DDX11: variants seen among roughly 807,000 people sequenced by gnomAD.
DDX11 encodes DEAD/H-box helicase 11.
In DDX11, 72 loss-of-function variants were observed where a neutral mutation model predicts 125.2. That is an observed-to-expected ratio of 0.58 (90% CI 0.48 to 0.70). DDX11 has a LOEUF of 0.70. Among genes scored for constraint, DDX11 ranks in the 30% least tolerant of loss-of-function variants. The probability of loss-of-function intolerance (pLI) is 0.00; values close to 1 mark genes in which losing one functional copy is unlikely to be tolerated. For missense variants in DDX11, 883 were observed against 1,165.0 expected (o/e 0.76, Z 3.52); for synonymous variants, 347 against 452.6 (o/e 0.77, Z 2.96).
At chr12:31,103,136 C>T (rs1946690701) in intron 24 of DDX11, 116 bp downstream of exon 24, 6 of 1,386,570 alleles carry the variant, frequency 4.3e-6, no homozygotes, top group African/African-American at 1.4e-5. Context: ...TCTCCTGCCC[C>T]CTCCGGAAGC....
rs531205804 is a variant in DDX11 at position 31,077,214 on chromosome 12, AAG to A, written c.-4-1173_-4-1172del. 2.6e-3 allele frequency among the ~76,000 whole-genome samples: 403 copies of A among 152,172 alleles called. 3 individuals are homozygous for A. Among genetic ancestry groups the A allele is most frequent in the Middle Eastern group, 0.017 (5 of 294 alleles). ...GAGAGAGGTGTGGGAACCAGGATGG[AAG>A]AGTCAGGCCTCCAGATAGCGTTTAC... is the stretch of plus-strand genomic sequence containing the variant. On this transcript the variant is annotated intron_variant, in intron 1 of 26. Transcript: ENST00000542838.
Position 31,102,318 on chromosome 12 carries a change from G to A in DDX11, c.2271+7G>A. 1 of 1,613,820 alleles carries A rather than the reference G, an allele frequency of 6.2e-7. No homozygotes were observed. Among genetic ancestry groups the A allele is most frequent in the African/African-American group, 1.3e-5 (1 of 75,064 alleles). On this transcript the variant is annotated splice_region_variant and intron_variant, in intron 22 of 26. Coordinates refer to ENST00000542838, the MANE Select transcript of DDX11 (RefSeq NM_030653.4). ...ATATTCCAGGTGCATCCAGGTGCGG[G>A]CGTCATGCTGGGCTTGGGTCTGAGA...
At chr12:31,087,340 A>T (rs930272367) in intron 5 of DDX11, among the ~76,000 whole-genome samples, 4 of 151,888 alleles carry the variant, frequency 2.6e-5, no homozygotes, top group Non-Finnish European at 4.4e-5. Flanking sequence ...AGCAGAAACA[A>T]GGCCGACCTG....
intron 1 of DDX11, among the ~76,000 whole-genome samples, chr12:31,077,648 C>T (rs1029265693): frequency 2.0e-5 from 3 of 151,940 alleles, no homozygotes; most frequent in African/African-American, 7.3e-5. Flanking sequence ...GAGATCGAGA[C>T]CATCCTGGCT....
chr12:31,101,972 C>G lies in DDX11; in HGVS notation c.2192C>G (p.Ala731Gly), dbSNP rs1420280821. 1.2e-6 allele frequency: 2 copies of G among 1,612,240 alleles called. No homozygotes were observed. The highest frequency in any genetic ancestry group is 2.7e-5 in the African/African-American group (2 of 74,856). ...EKGGLLGRLA[A>G]RKKIFQEPKS... ...GGTGGCCTGCTGGGCCGTCTGGCTG[C>G]CAGGAAGAAGGTGAGTGGCCTGTCG... Residue 731 changes from alanine to glycine, a missense_variant, in exon 21 of 27, where the codon GCC (alanine) becomes GGC (glycine). Transcript: ENST00000542838.
At chr12:31,097,225 G>C (rs1224080689) in intron 17 of DDX11, among the ~76,000 whole-genome samples, 1 of 151,626 alleles carries the variant, frequency 6.6e-6, no homozygotes, top group Non-Finnish European at 1.5e-5. Flanking sequence ...AGGTGGACGG[G>C]AGGAGATCGA....
chr12:31,087,956 TGA>T lies in DDX11; in HGVS notation c.658_659del (p.Asp220ProfsTer8). ...CACACAGAGTGGATGAGGATGAGGA[TGA>T]CCTGGAGGAAGAACACATAACTAAG... is the stretch of plus-strand genomic sequence containing the variant. ...VASRVDEDED[D>X]LEEEHITKIY... is the part of the protein sequence containing the mutation. On this transcript the variant is annotated frameshift_variant, in exon 6 of 27. Coordinates refer to ENST00000542838, the MANE Select transcript of DDX11 (RefSeq NM_030653.4). LOFTEE classifies it high-confidence loss of function. 1.2e-6 allele frequency: 2 copies of T among 1,608,540 alleles called. No individual in the cohort carries two copies. Among genetic ancestry groups the T allele is most frequent in the Non-Finnish European group, 1.7e-6 (2 of 1,177,858 alleles).
At chr12:31,097,461 G>A (rs1477205185) in intron 17 of DDX11, among the ~76,000 whole-genome samples, 3 of 149,464 alleles carry the variant, frequency 2.0e-5, no homozygotes, top group Non-Finnish European at 4.4e-5. Flanking sequence ...GGGGCGGATC[G>A]TGAGTTCAGG....
chr12:31,085,332 T>C (rs1942924066), intron 5 of DDX11, among the ~76,000 whole-genome samples: 1 of 152,240 alleles, frequency 6.6e-6, no homozygotes, highest in African/African-American at 2.4e-5. Context: ...TCCTCTCAGC[T>C]GTCCTCACGG....
rs149359071 is a variant in DDX11, at chr12:31,092,802, C to T, written c.1243-44C>T. On this transcript the variant is annotated intron_variant, in intron 10 of 26. Transcript: ENST00000542838. Reference sequence around the variant, plus strand: ...TGAATCTAAGATGTCAGTACCTTAGCCCTCAGCTGCTTGCTCAGAGCCTGG... The same window carrying T: ...TGAATCTAAGATGTCAGTACCTTAGTCCTCAGCTGCTTGCTCAGAGCCTGG... 158 of 1,584,300 alleles carry T rather than the reference C, an allele frequency of 1.0e-4. No homozygotes were observed. In the African/African-American group the frequency reaches 1.8e-3, roughly 18 times the overall value.
chr12:31,092,728 C>G (rs758078053), intron 10 of DDX11, 118 bp from the exon 11 acceptor site: 4 of 1,071,060 alleles, frequency 3.7e-6, no homozygotes, highest in Non-Finnish European at 5.7e-6. Context: ...CCAGCCCCCT[C>G]TCCTCCCTTT....
At chr12:31,089,218 G>A (rs574100951) in intron 7 of DDX11, 67 bp downstream of exon 7, 179 of 1,488,386 alleles carry the variant, frequency 1.2e-4, no homozygotes, top group Non-Finnish European at 1.5e-4. Flanking sequence ...TGTCCTGCTC[G>A]TCCAGGCCTT....
At chr12:31,083,321 A>C (rs1209608862) in intron 2 of DDX11, among the ~76,000 whole-genome samples, 10 of 147,266 alleles carry the variant, frequency 6.8e-5, no homozygotes, top group Non-Finnish European at 1.1e-4. Flanking sequence ...TTAAAAAAAA[A>C]AAAACAAAAC....
Position 31,103,910 on chromosome 12 carries a change from C to T in DDX11, c.*74C>T, listed in dbSNP as rs766229526. On this transcript the variant is annotated 3_prime_UTR_variant, in exon 27 of 27. Transcript: ENST00000542838. ...CGCTGGAGACAGTGTTTGTCGTGGGCGTGGTCTGCGGGGATCCTGTTACAA... is the reference window on the plus strand; with the variant it reads ...CGCTGGAGACAGTGTTTGTCGTGGGTGTGGTCTGCGGGGATCCTGTTACAA... 8.7e-6 allele frequency: 14 copies of T among 1,613,826 alleles called. No individual in the cohort carries two copies. The East Asian group carries it at 2.0e-4, about 23-fold the overall frequency.
chr12:31,099,108 GAC>G (rs1945918902), intron 18 of DDX11, among the ~76,000 whole-genome samples: 1 of 29,632 alleles, frequency 3.4e-5, no homozygotes, highest in African/African-American at 3.0e-4. Context: ...TTTTTTTTGA[GAC>G]ACAGTCTCGC....
chr12:31,101,013 C>G lies in DDX11; in HGVS notation c.1949-14C>G. ...TGCATCTCCAGTTTTCGGCCCCTCC[C>G]TGGCTCTTACCAGGTCACGTGATCC... On this transcript the variant is annotated splice_polypyrimidine_tract_variant and intron_variant, in intron 19 of 26. Coordinates refer to ENST00000542838, the MANE Select transcript of DDX11 (RefSeq NM_030653.4). 6.2e-7 allele frequency: 1 copy of G among 1,610,556 alleles called. No homozygotes were observed. Among genetic ancestry groups the G allele is most frequent in the Non-Finnish European group, 8.5e-7 (1 of 1,176,782 alleles).
At chr12:31,084,716 C>G in intron 4 of DDX11, 47 bp downstream of exon 4, 1 of 1,548,712 alleles carries the variant, frequency 6.5e-7, no homozygotes, top group Non-Finnish European at 8.8e-7. Context: ...GGCAGGGTTG[C>G]TCTGCTTGGA....
chr12:31,074,001 C>T lies in DDX11; in HGVS notation c.-95C>T, dbSNP rs950226891. The T allele has an allele frequency of 6.6e-6, 1 of 151,482 alleles. No individual in the cohort carries two copies. Among genetic ancestry groups the T allele is most frequent in the African/African-American group, 2.5e-5 (1 of 40,624 alleles). The allele number at this position is 151,482 out of a possible 1,614,324, so 9.4% of individuals were successfully genotyped here. The stretch of plus-strand genomic sequence containing the variant: ...GCAGTGCTGTGTGGCAGCAGAGCTC[C>T]TTAGGACGAGGAGCAGCGGGACGAG... On this transcript the variant is annotated 5_prime_UTR_variant, in exon 1 of 27. Coordinates refer to ENST00000542838, the MANE Select transcript of DDX11 (RefSeq NM_030653.4).
intron 18 of DDX11, among the ~76,000 whole-genome samples, chr12:31,100,022 T>C (rs1386894373): frequency 1.3e-5 from 2 of 152,176 alleles, no homozygotes; most frequent in Non-Finnish European, 2.9e-5. Context: ...GTTGGACAGA[T>C]GTAGGGAGCT....
Sources: gnomAD v4.1 joint callset for allele counts (sites outside exome capture counted in the v4.1 genomes callset) on GRCh38, gnomAD v4.1.1 for gene constraint, MANE v1.5 for transcripts, NCBI Gene and HGNC (gene_info 2026-07-23, HGNC 2026-07-21) for gene names.